SRD5A2: variants seen among roughly 807,000 people sequenced by gnomAD.
SRD5A2 encodes 3-oxo-5-alpha-steroid 4-dehydrogenase 2.
In SRD5A2, 30 loss-of-function variants were observed where a neutral mutation model predicts 27.4. The observed-to-expected ratio is 1.10, with a 90% CI of 0.82 to 1.49. SRD5A2 has a LOEUF of 1.49. SRD5A2 is among the 40% of genes most tolerant of loss of function. The pLI is 0.00. For synonymous variants in SRD5A2, 141 were observed against 133.6 expected (o/e 1.06, Z -0.38); for missense variants, 348 against 323.4 (o/e 1.08, Z -0.58).
the SRD5A2 span, among the ~76,000 whole-genome samples, chr2:31,603,518 T>C: frequency 1.3e-5 from 2 of 151,990 alleles, no homozygotes; most frequent in African/African-American, 4.8e-5. Flanking sequence ...AAAAATACCA[T>C]TTGACCCAGT....
At chr2:31,587,873 C>A in the SRD5A2 span, among the ~76,000 whole-genome samples, 1 of 152,066 alleles carries the variant, frequency 6.6e-6, no homozygotes, top group Non-Finnish European at 1.5e-5. Flanking sequence ...TGTAACAAAC[C>A]TGTATGTTCT....
At chr2:31,541,785 A>T (rs973463629) in intron 1 of SRD5A2, among the ~76,000 whole-genome samples, 1 of 152,186 alleles carries the variant, frequency 6.6e-6, no homozygotes, top group African/African-American at 2.4e-5. Flanking sequence ...AATGGACAGT[A>T]CAGTGATTGT....
chr2:31,625,510 T>C, the SRD5A2 span, among the ~76,000 whole-genome samples: 1 of 152,270 alleles, frequency 6.6e-6, no homozygotes, highest in Non-Finnish European at 1.5e-5. Flanking sequence ...CATTTAAGTC[T>C]TTAATCCATC....
chr2:31,590,595 G>A, the SRD5A2 span, among the ~76,000 whole-genome samples: 5 of 151,944 alleles, frequency 3.3e-5, no homozygotes, highest in Non-Finnish European at 7.4e-5. Flanking sequence ...AGTTCATATG[G>A]AACCAAAAAA....
the SRD5A2 span, among the ~76,000 whole-genome samples, chr2:31,621,850 C>T: frequency 1.3e-5 from 2 of 152,052 alleles, no homozygotes; most frequent in African/African-American, 4.8e-5. Flanking sequence ...GCTATGTTGG[C>T]CAAGCTGGTC....
chr2:31,565,558 G>C (rs1173233905), intron 1 of SRD5A2, among the ~76,000 whole-genome samples: 3 of 151,870 alleles, frequency 2.0e-5, no homozygotes, highest in Non-Finnish European at 4.4e-5. Context: ...ATCTGTAGTG[G>C]CTAAGTTAAT....
intron 1 of SRD5A2, among the ~76,000 whole-genome samples, chr2:31,554,924 CGTGTGTGTGTGTGTGT>C (rs59697517): frequency 3.8e-5 from 5 of 132,134 alleles, no homozygotes; most frequent in Admixed American, 1.5e-4. Context: ...CTATCCTGAT[CGTGTGTGTGTGTGTGT>C]GTGTGTGTGT....
At chr2:31,655,869 G>A in the SRD5A2 span, among the ~76,000 whole-genome samples, 1 of 152,120 alleles carries the variant, frequency 6.6e-6, no homozygotes, top group Non-Finnish European at 1.5e-5. Flanking sequence ...TAAAGATAAA[G>A]AAAACTAATA....
chr2:31,558,154 C>T (rs1267776744), intron 1 of SRD5A2, among the ~76,000 whole-genome samples: 1 of 152,148 alleles, frequency 6.6e-6, no homozygotes, highest in Non-Finnish European at 1.5e-5. Flanking sequence ...CTTGGCCAGA[C>T]CTTTAGTGTA....
the SRD5A2 span, among the ~76,000 whole-genome samples, chr2:31,654,180 T>G: frequency 6.6e-6 from 1 of 152,090 alleles, no homozygotes; most frequent in African/African-American, 2.4e-5. Flanking sequence ...GGAAAAGTTA[T>G]ACCTGCTGTT....
At chr2:31,632,083 T>C in the SRD5A2 span, among the ~76,000 whole-genome samples, 1 of 152,020 alleles carries the variant, frequency 6.6e-6, no homozygotes, top group South Asian at 2.1e-4. Flanking sequence ...AAAGGATAAG[T>C]TTATCACTCA....
intron 1 of SRD5A2, among the ~76,000 whole-genome samples, chr2:31,557,736 T>C (rs1461151564): frequency 6.6e-6 from 1 of 152,188 alleles, no homozygotes; most frequent in Non-Finnish European, 1.5e-5. Flanking sequence ...TACAGCACCC[T>C]GGGGGCTCTT....
At chr2:31,581,706 C>G (rs1489476538), upstream of SRD5A2, among the ~76,000 whole-genome samples, 7 of 152,306 alleles carry the variant, frequency 4.6e-5, no homozygotes, top group East Asian at 1.4e-3. Flanking sequence ...CCCGCCACCC[C>G]ACTCCCGGTC....
At chr2:31,637,772 T>C in the SRD5A2 span, among the ~76,000 whole-genome samples, 1 of 152,116 alleles carries the variant, frequency 6.6e-6, no homozygotes, top group East Asian at 1.9e-4. Flanking sequence ...TCTTGGGGTT[T>C]GACTGCATCA....
the SRD5A2 span, among the ~76,000 whole-genome samples, chr2:31,615,852 A>G: frequency 6.6e-6 from 1 of 152,144 alleles, no homozygotes; most frequent in Non-Finnish European, 1.5e-5. Flanking sequence ...ACCCAGGGCC[A>G]CCCTGCTGTG....
intron 1 of SRD5A2, among the ~76,000 whole-genome samples, chr2:31,565,176 C>A (rs1208023978): frequency 6.6e-6 from 1 of 151,552 alleles, no homozygotes; most frequent in Non-Finnish European, 1.5e-5. Context: ...ATGCAATAAA[C>A]CTTTAAGCAA....
At chr2:31,614,307 T>C in the SRD5A2 span, among the ~76,000 whole-genome samples, 2 of 152,202 alleles carry the variant, frequency 1.3e-5, no homozygotes, top group Non-Finnish European at 2.9e-5. Flanking sequence ...GCAGGTCCCA[T>C]ATGAGTCCGA....
chr2:31,618,680 G>A, the SRD5A2 span, among the ~76,000 whole-genome samples: 1 of 152,066 alleles, frequency 6.6e-6, no homozygotes, highest in Non-Finnish European at 1.5e-5. Context: ...AAGGGTAAGA[G>A]GGAGAAAGCA....
At chr2:31,599,058 A>G in the SRD5A2 span, among the ~76,000 whole-genome samples, 1 of 152,026 alleles carries the variant, frequency 6.6e-6, no homozygotes, top group Non-Finnish European at 1.5e-5. Flanking sequence ...CAAAAATTCT[A>G]AGAGACAAAG....
Sources: gnomAD v4.1 joint callset for allele counts (sites outside exome capture counted in the v4.1 genomes callset) on GRCh38, gnomAD v4.1.1 for gene constraint, MANE v1.5 for transcripts, NCBI Gene and HGNC (gene_info 2026-07-23, HGNC 2026-07-21) for gene names.